Variants in DNAAF11 observed in about 807,000 individuals in gnomAD.
DNAAF11 encodes dynein axonemal assembly factor 11, also known as leucine rich repeat containing 6.
DNAAF11 carries 45 observed loss-of-function variants against 60.8 expected under a neutral mutation model. The ratio of observed to expected loss-of-function variants is 0.74; its 90% CI spans 0.58 to 0.95. The LOEUF (loss-of-function observed/expected upper bound fraction) is 0.95. Ranked by LOEUF, DNAAF11 falls within the 40% of genes least tolerant of loss-of-function variation. The pLI, the probability that DNAAF11 is intolerant of heterozygous loss-of-function variation, is 0.00. For synonymous variants in DNAAF11, 191 were observed against 183.5 expected (o/e 1.04, Z -0.33); for missense variants, 546 against 546.2 (o/e 1.00, Z 0.00).
the DNAAF11 span, among the ~76,000 whole-genome samples, chr8:132,701,075 T>C: frequency 6.6e-6 from 1 of 152,204 alleles, no homozygotes; most frequent in Admixed American, 6.5e-5. Context: ...CTTGCTCTTT[T>C]ATAATGGCAC....
chr8:132,675,895 C>A (rs1825742356), upstream of DNAAF11, among the ~76,000 whole-genome samples: 1 of 152,192 alleles, frequency 6.6e-6, no homozygotes. Flanking sequence ...TTTACAGCTT[C>A]CAGAGCCAAC....
the DNAAF11 span, among the ~76,000 whole-genome samples, chr8:132,688,103 G>C: frequency 2.0e-5 from 3 of 152,026 alleles, no homozygotes; most frequent in Non-Finnish European, 2.9e-5. Context: ...CAAATGCTGC[G>C]ATAACAGCAT....
In DNAAF11 at chr8:132,661,547, G is replaced by T. The variant is rs1170624958; in HGVS notation, c.91C>A (p.Gln31Lys). 6.2e-7 allele frequency: 1 copy of T among 1,613,668 alleles called. No homozygotes were observed. Residue 31 changes from glutamine to lysine, a missense_variant, in exon 2 of 12, where the codon CAA (glutamine) becomes AAA (lysine). Transcript: ENST00000620350. ...ATGTGTTCTAGTCTTTCTATTTCTT[G>T]CTGATGCAACGAGAGTTCCTCCAGG... is the stretch of plus-strand genomic sequence containing the variant. ...FSLEELSLHQ[Q>K]EIERLEHIDK...
At chr8:132,576,698 T>C (rs1814784354) in intron 11 of DNAAF11, among the ~76,000 whole-genome samples, 2 of 152,208 alleles carry the variant, frequency 1.3e-5, no homozygotes, top group Admixed American at 1.3e-4. Flanking sequence ...GTTAGGAATG[T>C]TGAACTGGTA....
At chr8:132,602,335 G>A (rs1817715247) in intron 10 of DNAAF11, among the ~76,000 whole-genome samples, 1 of 152,088 alleles carries the variant, frequency 6.6e-6, no homozygotes, top group South Asian at 2.1e-4. Flanking sequence ...ATCCTCAGGA[G>A]CTGGTGCACA....
intron 1 of DNAAF11, among the ~76,000 whole-genome samples, chr8:132,665,439 G>C (rs967089689): frequency 6.6e-6 from 1 of 151,832 alleles, no homozygotes; most frequent in Non-Finnish European, 1.5e-5. Flanking sequence ...GATCATTCTA[G>C]AGATTTAAAA....
At chr8:132,635,463 G>T (rs1437178818) in intron 4 of DNAAF11, among the ~76,000 whole-genome samples, 2 of 152,162 alleles carry the variant, frequency 1.3e-5, no homozygotes, top group Non-Finnish European at 2.9e-5. Flanking sequence ...ACCTTGGTTT[G>T]TCTGCTAACA....
At chr8:132,577,734 C>T (rs1040405881) in intron 11 of DNAAF11, among the ~76,000 whole-genome samples, 1 of 152,188 alleles carries the variant, frequency 6.6e-6, no homozygotes, top group Non-Finnish European at 1.5e-5. Context: ...TTTTGGCTCA[C>T]TGCAACCTCC....
the DNAAF11 span, among the ~76,000 whole-genome samples, chr8:132,692,838 A>G: frequency 1.3e-5 from 2 of 152,218 alleles, no homozygotes; most frequent in African/African-American, 4.8e-5. Context: ...GAAAGTGTCC[A>G]TTTGAACCAA....
rs1321933071 is a variant in DNAAF11, at chr8:132,622,677, T to C, written c.848A>G (p.Lys283Arg). Residue 283 changes from lysine (K) to arginine (R), a missense_variant, in exon 7 of 12, where the codon AAG becomes AGG. Physicochemically the swap from Lys to Arg is conservative, Grantham distance 26. Transcript: ENST00000620350. The part of the protein sequence containing the change: ...KKQEKLSEKK[K>R]KVKPPRTLIT... ...CAAAGTCCTGGGTGGTTTCACTTTC[T>C]TCTTTTTTTCACTTAAGATTGGTGG... The C allele has an allele frequency of 6.2e-7, 1 of 1,613,162 alleles. No homozygotes were observed. The highest frequency in any genetic ancestry group is 8.5e-7 in the Non-Finnish European group (1 of 1,179,322).
At chr8:132,620,787 A>G (rs763465306) in intron 7 of DNAAF11, among the ~76,000 whole-genome samples, 22 of 152,238 alleles carry the variant, frequency 1.4e-4, no homozygotes, top group Admixed American at 3.3e-4. Flanking sequence ...CCCCAGGAAC[A>G]TAAGAAATGG....
At position 132,611,318 on chromosome 8, in the gene DNAAF11, G is replaced by A. The variant is rs745624673; in HGVS notation, c.1020C>T (p.Tyr340=). The A allele has an allele frequency of 4.3e-6, 7 of 1,611,816 alleles. No individual in the cohort carries two copies. The highest frequency in any genetic ancestry group is 2.2e-5 in the East Asian group (1 of 44,868). The change falls in exon 9 of 12, where the codon TAC becomes TAT. Residue 340 remains tyrosine, a synonymous_variant. Coordinates refer to ENST00000620350, the MANE Select transcript of DNAAF11 (RefSeq NM_012472.6). Reference sequence around the variant, plus strand: ...CCTTTCCTTTGATCATTACTCGCACGTAAGTTGGTTGCACATCAACATCGA... The same window carrying A: ...CCTTTCCTTTGATCATTACTCGCACATAAGTTGGTTGCACATCAACATCGA... ...SLIDVDVQPT[Y]VRVMIKGKPF...
intron 3 of DNAAF11, among the ~76,000 whole-genome samples, chr8:132,649,139 A>C (rs1177376462): frequency 6.6e-6 from 1 of 152,224 alleles, no homozygotes; most frequent in African/African-American, 2.4e-5. Context: ...TACAGTAACC[A>C]AAACAGCATG....
At chr8:132,671,874 C>G (rs1825220330) in intron 1 of DNAAF11, among the ~76,000 whole-genome samples, 2 of 149,192 alleles carry the variant, frequency 1.3e-5, no homozygotes, top group African/African-American at 4.9e-5. Flanking sequence ...AAAATTGAGT[C>G]AAATGAATGA....
At chr8:132,607,556 A>G (rs994813240) in intron 10 of DNAAF11, among the ~76,000 whole-genome samples, 10 of 152,196 alleles carry the variant, frequency 6.6e-5, no homozygotes, top group Non-Finnish European at 1.5e-4. Context: ...GAGTGTATAG[A>G]TCCAGCCTCA....
rs1421807075 is a variant in DNAAF11 at position 132,583,755 on chromosome 8, G to A, written c.1165C>T (p.Gln389Ter). The part of the protein sequence containing the change: ...PKVGEVITGG[Q>*]RAFKSMKTTS... ...GTTTTCATAGATTTGAATGCTCGCT[G>A]ACCACCTGTGATTACTTCTCCTACC... Residue 389 changes from glutamine to a stop codon, truncating the protein, a stop_gained, in exon 11 of 12, where the codon CAG becomes TAG. Transcript: ENST00000620350. LOFTEE classifies it high-confidence loss of function. 8.1e-6 allele frequency: 13 copies of A among 1,613,488 alleles called. No homozygotes were observed. The East Asian group carries it at 2.9e-4, about 36-fold the overall frequency.
chr8:132,592,240 A>C (rs1187606519), intron 10 of DNAAF11, among the ~76,000 whole-genome samples: 2 of 152,230 alleles, frequency 1.3e-5, no homozygotes, highest in Non-Finnish European at 2.9e-5. Flanking sequence ...GGGCAGTGAG[A>C]TCAATACTAA....
At chr8:132,692,241 T>C in the DNAAF11 span, among the ~76,000 whole-genome samples, 8 of 152,046 alleles carry the variant, frequency 5.3e-5, no homozygotes, top group Non-Finnish European at 1.2e-4. Flanking sequence ...ATTATTTGAT[T>C]GGAGGTTAAG....
chr8:132,623,864 G>C (rs976674147), intron 6 of DNAAF11, among the ~76,000 whole-genome samples: 1 of 152,226 alleles, frequency 6.6e-6, no homozygotes, highest in Non-Finnish European at 1.5e-5. Context: ...AAGCAGATCA[G>C]AGTTAGGAAC....
Sources: allele counts gnomAD v4.1 joint callset (sites outside exome capture counted in the v4.1 genomes callset), GRCh38; gene constraint gnomAD v4.1.1; transcripts MANE v1.5; gene names NCBI Gene and HGNC (gene_info 2026-07-23, HGNC 2026-07-21).